ADRA1B: variants seen among roughly 807,000 people sequenced by gnomAD.
ADRA1B encodes the protein adrenoceptor alpha 1B.
ADRA1B carries 17 observed loss-of-function variants against 17.9 expected under a neutral mutation model. That is an observed-to-expected ratio of 0.95 (90% confidence interval 0.65 to 1.42). The LOEUF is 1.42. ADRA1B is among the 40% of genes most tolerant of loss of function. The probability of loss-of-function intolerance (pLI) is 0.00; values close to 1 mark genes in which losing one functional copy is unlikely to be tolerated. For synonymous variants in ADRA1B, 366 were observed against 327.6 expected (o/e 1.12, Z -1.27); for missense variants, 681 against 722.1 (o/e 0.94, Z 0.65).
chr5:159,935,508 A>G (rs1754928948), intron 1 of ADRA1B, among the ~76,000 whole-genome samples: 1 of 152,044 alleles, frequency 6.6e-6, no homozygotes, highest in African/African-American at 2.4e-5. Context: ...CCCAAAGGCA[A>G]TTACCACAAT....
At chr5:159,907,118 A>T (rs188155598) in intron 1 of ADRA1B, among the ~76,000 whole-genome samples, 1 of 152,282 alleles carries the variant, frequency 6.6e-6, no homozygotes, top group East Asian at 1.9e-4. Context: ...GCCATGAATT[A>T]TATAGTCCAA....
At chr5:159,969,820 C>A (rs1755836309) in intron 1 of ADRA1B, among the ~76,000 whole-genome samples, 1 of 152,058 alleles carries the variant, frequency 6.6e-6, no homozygotes, top group South Asian at 2.1e-4. Context: ...AGTATACACA[C>A]CAAAATATGG....
chr5:159,952,081 C>T (rs1755453408), intron 1 of ADRA1B, among the ~76,000 whole-genome samples: 2 of 152,162 alleles, frequency 1.3e-5, no homozygotes, highest in Non-Finnish European at 2.9e-5. Context: ...CACAGTCAAA[C>T]GCTTATCCCC....
At chr5:159,924,742 C>T (rs1336408274) in intron 1 of ADRA1B, among the ~76,000 whole-genome samples, 1 of 151,318 alleles carries the variant, frequency 6.6e-6, no homozygotes, top group Non-Finnish European at 1.5e-5. Context: ...CAGGAAATGC[C>T]TTTACCTGAG....
At chr5:159,889,386 A>G (rs1382723406) in intron 1 of ADRA1B, among the ~76,000 whole-genome samples, 1 of 152,222 alleles carries the variant, frequency 6.6e-6, no homozygotes. Flanking sequence ...AGTCCCCAAC[A>G]GCACAGTAGT....
intron 1 of ADRA1B, among the ~76,000 whole-genome samples, chr5:159,918,521 C>T (rs1040717691): frequency 2.0e-5 from 3 of 152,246 alleles, no homozygotes; most frequent in Non-Finnish European, 4.4e-5. Context: ...GAGGGTCACA[C>T]ATTTTTAGTT....
chr5:159,942,024 A>G (rs1032360009), intron 1 of ADRA1B, among the ~76,000 whole-genome samples: 1 of 150,288 alleles, frequency 6.7e-6, no homozygotes, highest in Non-Finnish European at 1.5e-5. Context: ...CCAGGTTGAC[A>G]TCATTCTACT....
At chr5:159,937,373 C>T (rs992143968) in intron 1 of ADRA1B, among the ~76,000 whole-genome samples, 1 of 152,026 alleles carries the variant, frequency 6.6e-6, no homozygotes, top group Non-Finnish European at 1.5e-5. Flanking sequence ...CATACCTGCA[C>T]AAAAAGGCTG....
chr5:159,892,493 C>A (rs1753996196), intron 1 of ADRA1B, among the ~76,000 whole-genome samples: 1 of 152,154 alleles, frequency 6.6e-6, no homozygotes, highest in African/African-American at 2.4e-5. Context: ...TCCCCCTCAA[C>A]ACTCTGACAG....
the ADRA1B span, among the ~76,000 whole-genome samples, chr5:159,984,636 G>A: frequency 8.6e-5 from 13 of 152,000 alleles, no homozygotes; most frequent in East Asian, 1.6e-3. Context: ...GGTAGCTCAC[G>A]CCTGTAATCC....
chr5:159,947,399 A>G (rs1755303785), intron 1 of ADRA1B, among the ~76,000 whole-genome samples: 1 of 152,108 alleles, frequency 6.6e-6, no homozygotes, highest in African/African-American at 2.4e-5. Context: ...AATTGACCCA[A>G]GTTCTCAGGG....
chr5:159,974,728 C>A (rs969805307), downstream of ADRA1B, among the ~76,000 whole-genome samples: 1 of 151,950 alleles, frequency 6.6e-6, no homozygotes, highest in Non-Finnish European at 1.5e-5. Context: ...TCCATAAAAA[C>A]GCACATACCA....
chr5:159,923,559 AG>A (rs1754552365), intron 1 of ADRA1B, among the ~76,000 whole-genome samples: 1 of 152,260 alleles, frequency 6.6e-6, no homozygotes, highest in African/African-American at 2.4e-5. Context: ...CAGAGTGGGA[AG>A]GGGGAGCCTG....
upstream of ADRA1B, among the ~76,000 whole-genome samples, chr5:159,912,983 C>T (rs578016807): frequency 3.9e-5 from 6 of 152,214 alleles, no homozygotes; most frequent in African/African-American, 1.2e-4. Context: ...TATGCCTGGT[C>T]GAATTGAAAG....
At chr5:159,896,242 A>G (rs1754038844) in intron 1 of ADRA1B, among the ~76,000 whole-genome samples, 1 of 152,124 alleles carries the variant, frequency 6.6e-6, no homozygotes, top group Admixed American at 6.6e-5. Flanking sequence ...TTTAAATGGG[A>G]CCTCCTTCTG....
intron 1 of ADRA1B, among the ~76,000 whole-genome samples, chr5:159,890,996 C>A (rs971485597): frequency 3.3e-5 from 5 of 152,172 alleles, no homozygotes; most frequent in African/African-American, 1.2e-4. Flanking sequence ...GATCATATGG[C>A]AACTCATGCT....
chr5:159,951,499 G>T, intron 1 of ADRA1B: 2 of 678,698 alleles, frequency 2.9e-6, no homozygotes, highest in Non-Finnish European at 2.7e-6. Flanking sequence ...CCTTCACCAC[G>T]GTGTCTTGGG....
intron 1 of ADRA1B, among the ~76,000 whole-genome samples, chr5:159,892,560 C>T (rs1753996895): frequency 6.6e-6 from 1 of 152,178 alleles, no homozygotes; most frequent in African/African-American, 2.4e-5. Flanking sequence ...ATTCAGCTCC[C>T]ACTTGTAAGT....
intron 1 of ADRA1B, among the ~76,000 whole-genome samples, chr5:159,865,792 C>T (rs1753645514): frequency 6.6e-6 from 1 of 152,178 alleles, no homozygotes. Flanking sequence ...TATGCTTCCT[C>T]AAAACCTACA....
Sources: gnomAD v4.1 joint callset for allele counts (sites outside exome capture counted in the v4.1 genomes callset) on GRCh38, gnomAD v4.1.1 for gene constraint, MANE v1.5 for transcripts, NCBI Gene and HGNC (gene_info 2026-07-23, HGNC 2026-07-21) for gene names.